The following AMIGO3 variants were observed in gnomAD, a reference collection of about 807,000 sequenced individuals.
AMIGO3 encodes adhesion molecule with Ig like domain 3.
AMIGO3 carries 6 observed loss-of-function variants against 4.3 expected under a neutral mutation model. The observed-to-expected ratio is 1.39, with a 90% CI of 0.76 to 2.75. AMIGO3 has a LOEUF of 2.75. Ranked by LOEUF, AMIGO3 falls within the 30% of genes most tolerant of loss-of-function variation. AMIGO3 has a pLI of 0.00. For missense variants in AMIGO3, 771 were observed against 692.1 expected (o/e 1.11, Z -1.28); for synonymous variants, 315 against 320.0 (o/e 0.98, Z 0.17).
chr3:49,719,401 T>TCCGGGGTGCCTAAC lies in AMIGO3; in HGVS notation c.51_64dup (p.Asp22GlyfsTer2). On this transcript the variant is annotated stop_gained and frameshift_variant, in exon 1 of 1. Transcript: ENST00000320431. LOFTEE classifies it low-confidence loss of function (END_TRUNC). ...CGCACGGGGCGGGAAACCCTCGGAGTCCGGGGTGCCTAACCCAACGCGCAG... is the reference window on the plus strand; with the variant it reads ...CGCACGGGGCGGGAAACCCTCGGAGTCCGGGGTGCCTAACCCGGGGTGCCTAACCCAACGCGCAG... 6.2e-7 allele frequency: 1 copy of TCCGGGGTGCCTAAC among 1,613,364 alleles called. No individual in the cohort carries two copies. Among genetic ancestry groups the TCCGGGGTGCCTAAC allele is most frequent in the African/African-American group, 1.3e-5 (1 of 74,960 alleles).
Position 49,719,183 on chromosome 3 carries a change from T to A in AMIGO3, c.283A>T (p.Asn95Tyr). ...CCGCGACCCAGCGCATCTAGTTCGTTGTGGTCTAGGTGCAGGGCGCGCAGC... is the reference window on the plus strand; with the variant it reads ...CCGCGACCCAGCGCATCTAGTTCGTAGTGGTCTAGGTGCAGGGCGCGCAGC... ...FQLRALHLDH[N>Y]ELDALGRGVF... The change falls in exon 1 of 1, where the codon AAC becomes TAC. Residue 95 changes from asparagine to tyrosine, a missense_variant. Asn to Tyr is a moderately radical substitution (Grantham distance 143). Transcript: ENST00000320431. 4 of 1,613,426 alleles carry A rather than the reference T, an allele frequency of 2.5e-6. No individual in the cohort carries two copies. Among genetic ancestry groups the A allele is most frequent in the Non-Finnish European group, 3.4e-6 (4 of 1,179,950 alleles).
Position 49,718,076 on chromosome 3 carries a change from G to C in AMIGO3, c.1390C>G (p.Leu464Val). 24 of 1,613,610 alleles carry C rather than the reference G, an allele frequency of 1.5e-5. No individual in the cohort carries two copies. The highest frequency in any genetic ancestry group is 2.0e-5 in the Non-Finnish European group (24 of 1,180,044). Residue 464 changes from leucine (L) to valine (V), a missense_variant, in exon 1 of 1, where the codon CTC becomes GTC. Coordinates refer to ENST00000320431, the MANE Select transcript of AMIGO3 (RefSeq NM_198722.3). ...VVFLEPGRRG[L>V]NGRVQLAVAE... ...ACTGCCAGCTGCACGCGGCCATTGA[G>C]GCCCCTCCGGCCTGGCTCCAGAAAG...
Position 49,719,143 on chromosome 3 carries a change from G to A in AMIGO3, c.323C>T (p.Ala108Val). Residue 108 changes from alanine (A) to valine (V), a missense_variant, in exon 1 of 1, where the codon GCC (alanine) becomes GTC (valine). By Grantham distance (64) the Ala-to-Val change is moderately conservative. Coordinates refer to ENST00000320431, the MANE Select transcript of AMIGO3 (RefSeq NM_198722.3). ...TAGATCGAGCAGCCTCAGGCCGCTG[G>A]CGTTGACGAAGACGCCGCGACCCAG... ...DALGRGVFVN[A>V]SGLRLLDLSS... 2 of 1,613,632 alleles carry A rather than the reference G, an allele frequency of 1.2e-6. No homozygotes were observed. The highest frequency in any genetic ancestry group is 1.7e-6 in the Non-Finnish European group (2 of 1,180,008).
rs747670903 is a variant in AMIGO3 at position 49,718,331 on chromosome 3, C to T, written c.1135G>A (p.Glu379Lys). The change falls in exon 1 of 1, where the codon GAG (glutamate) becomes AAG (lysine). Residue 379 changes from glutamate (E) to lysine (K), a missense_variant. Coordinates refer to ENST00000320431, the MANE Select transcript of AMIGO3 (RefSeq NM_198722.3). ...VSVHFPRPEP[E>K]AFNTGFTTLL... ...GTGGTGAAGCCTGTGTTGAAAGCCT[C>T]GGGCTCTGGGCGCGGAAAGTGCACG... 54 of 1,613,270 alleles carry T rather than the reference C, an allele frequency of 3.3e-5. No individual in the cohort carries two copies. Among genetic ancestry groups the T allele is most frequent in the Admixed American group, 3.3e-4 (20 of 60,002 alleles).
chr3:49,717,516 A>C lies in AMIGO3; in HGVS notation c.*435T>G. The C allele has an allele frequency of 5.1e-6, 1 of 197,530 alleles. No individual in the cohort carries two copies. The highest frequency in any genetic ancestry group is 1.1e-5 in the Non-Finnish European group (1 of 94,934). 12.2% of individuals were successfully genotyped at this position (197,530 alleles called of 1,614,324 possible). A position where few individuals can be genotyped will look rare whatever the true frequency, so the allele number is the denominator to read the frequency against. On this transcript the variant is annotated 3_prime_UTR_variant, in exon 1 of 1. Coordinates refer to ENST00000320431, the MANE Select transcript of AMIGO3 (RefSeq NM_198722.3). ...GGAGGTGGCCCTGCGTCAGCTCTTG[A>C]GCACCACTCCTCGAGAGCTGTCTCA... is the stretch of plus-strand genomic sequence containing the variant.
At position 49,717,478 on chromosome 3, in the gene AMIGO3, C is replaced by T; in HGVS notation, c.*473G>A. ...TCCCTGTGGGCCCACTCCCTCCCAC[C>T]CCCTTGGGAAGGGGAGGTGGCCCTG... On this transcript the variant is annotated 3_prime_UTR_variant, in exon 1 of 1. Coordinates refer to ENST00000320431, the MANE Select transcript of AMIGO3 (RefSeq NM_198722.3). The T allele has an allele frequency of 5.7e-6, 1 of 175,606 alleles. No homozygotes were observed. Among genetic ancestry groups the T allele is most frequent in the East Asian group, 1.7e-4 (1 of 5,898 alleles). 10.9% of individuals were successfully genotyped at this position (175,606 alleles called of 1,614,324 possible).
In AMIGO3 at chr3:49,718,441, A is replaced by T. The variant is rs376736320; in HGVS notation, c.1025T>A (p.Val342Glu). ...GAAGAGTCCCGCATGCTGCTCCTGT[A>T]CGTTGCCTATGGCCAAGCTGCCGTC... ...LADGSLAIGN[V>E]QEQHAGLFVC... The change falls in exon 1 of 1, where the codon GTA becomes GAA. Residue 342 changes from valine to glutamate, a missense_variant. Coordinates refer to ENST00000320431, the MANE Select transcript of AMIGO3 (RefSeq NM_198722.3). 1 of 1,612,814 alleles carries T rather than the reference A, an allele frequency of 6.2e-7. No individual in the cohort carries two copies. Among genetic ancestry groups the T allele is most frequent in the Non-Finnish European group, 8.5e-7 (1 of 1,179,910 alleles).
chr3:49,719,357 T>G lies in AMIGO3; in HGVS notation c.109A>C (p.Lys37Gln). ...AGCAGGTCGGCAGCGCAGATACATT[T>G]GTAGGGGCAGTTGTGGAGCGCACGG... ...PPRALHNCPYKCICAADLLSC... is the reference protein window; with the variant it reads ...PPRALHNCPYQCICAADLLSC... The change falls in exon 1 of 1, where the codon AAA becomes CAA. Residue 37 changes from lysine to glutamine, a missense_variant. Physicochemically the swap from Lys to Gln is moderately conservative, Grantham distance 53. Coordinates refer to ENST00000320431, the MANE Select transcript of AMIGO3 (RefSeq NM_198722.3). The G allele has an allele frequency of 6.2e-7, 1 of 1,613,496 alleles. No homozygotes were observed. Among genetic ancestry groups the G allele is most frequent in the Non-Finnish European group, 8.5e-7 (1 of 1,180,020 alleles).
At position 49,717,788 on chromosome 3, in the gene AMIGO3, C is replaced by CT. The variant is rs2080276861; in HGVS notation, c.*162dup. ...AGGTTGGGGACCACAACCCCTGTCT[C>CT]TACCAGTGAGCGAGAAGGCCCATTG... is the stretch of plus-strand genomic sequence containing the variant. On this transcript the variant is annotated 3_prime_UTR_variant, in exon 1 of 1. Coordinates refer to ENST00000320431, the MANE Select transcript of AMIGO3 (RefSeq NM_198722.3). 1 of 771,620 alleles carries CT rather than the reference C, an allele frequency of 1.3e-6. No homozygotes were observed. The highest frequency in any genetic ancestry group is 2.0e-6 in the Non-Finnish European group (1 of 491,572). 47.8% of individuals were successfully genotyped at this position (771,620 alleles called of 1,614,324 possible).
Position 49,717,601 on chromosome 3 carries a change from C to G in AMIGO3, c.*350G>C, listed in dbSNP as rs1559689463. On this transcript the variant is annotated 3_prime_UTR_variant, in exon 1 of 1. Coordinates refer to ENST00000320431, the MANE Select transcript of AMIGO3 (RefSeq NM_198722.3). ...GGTTCTTCCACAGGCTGTAGAAGAA[C>G]ACAGCCACTTCCACAGCTGTGCTGT... 1.4e-5 allele frequency: 5 copies of G among 353,990 alleles called. No homozygotes were observed. In the South Asian group the frequency reaches 1.6e-4, roughly 11 times the overall value. 21.9% of individuals were successfully genotyped at this position (353,990 alleles called of 1,614,324 possible). A position where few individuals can be genotyped will look rare whatever the true frequency, so the allele number is the denominator to read the frequency against.
In AMIGO3 at chr3:49,719,364, G is replaced by A; in HGVS notation, c.102C>T (p.Cys34=). 6.2e-7 allele frequency: 1 copy of A among 1,613,588 alleles called. No individual in the cohort carries two copies. Among genetic ancestry groups the A allele is most frequent in the East Asian group, 2.2e-5 (1 of 44,886 alleles). Residue 34 remains cysteine, a synonymous_variant, in exon 1 of 1, where the codon TGC becomes TGT. Coordinates refer to ENST00000320431, the MANE Select transcript of AMIGO3 (RefSeq NM_198722.3). ...CGGCAGCGCAGATACATTTGTAGGGGCAGTTGTGGAGCGCACGGGGCGGGA... is the reference window on the plus strand; with the variant it reads ...CGGCAGCGCAGATACATTTGTAGGGACAGTTGTGGAGCGCACGGGGCGGGA... ...EGFPPRALHN[C]PYKCICAADL... is the part of the protein sequence containing the mutation.
In AMIGO3 at chr3:49,718,519, T is replaced by G; in HGVS notation, c.947A>C (p.Gln316Pro). 1 of 1,613,190 alleles carries G rather than the reference T, an allele frequency of 6.2e-7. No homozygotes were observed. The highest frequency in any genetic ancestry group is 8.5e-7 in the Non-Finnish European group (1 of 1,179,948). Reference protein sequence around the residue: ...AMRIAWVSPQQELLRAPGSRD... With the variant: ...AMRIAWVSPQPELLRAPGSRD... ...GGATCCTGGCGCCCTGAGAAGCTCCTGCTGCGGCGAAACCCAGGCAATGCG... is the reference window on the plus strand; with the variant it reads ...GGATCCTGGCGCCCTGAGAAGCTCCGGCTGCGGCGAAACCCAGGCAATGCG... Residue 316 changes from glutamine (Q) to proline (P), a missense_variant, in exon 1 of 1, where the codon CAG becomes CCG. By Grantham distance (76) the Gln-to-Pro change is moderately conservative (BLOSUM62 -1). Coordinates refer to ENST00000320431, the MANE Select transcript of AMIGO3 (RefSeq NM_198722.3).
At position 49,717,234 on chromosome 3, in the gene AMIGO3, A is replaced by T. The variant is rs2080266467; in HGVS notation, c.*717T>A. On this transcript the variant is annotated 3_prime_UTR_variant, in exon 1 of 1. Coordinates refer to ENST00000320431, the MANE Select transcript of AMIGO3 (RefSeq NM_198722.3). ...CGGGTGGATGCCCCAGGCCAGAGAG[A>T]GCAGGGCCTCTGGCTGGGGCTTAGG... 1 of 153,990 alleles carries T rather than the reference A, an allele frequency of 6.5e-6. No individual in the cohort carries two copies. The highest frequency in any genetic ancestry group is 2.4e-5 in the African/African-American group (1 of 41,428). 9.5% of individuals were successfully genotyped at this position (153,990 alleles called of 1,614,324 possible). A position where few individuals can be genotyped will look rare whatever the true frequency, so the allele number is the denominator to read the frequency against.
In AMIGO3 at chr3:49,719,304, G is replaced by T. The variant is rs1353553347; in HGVS notation, c.162C>A (p.Asp54Glu). 1 of 1,613,168 alleles carries T rather than the reference G, an allele frequency of 6.2e-7. No individual in the cohort carries two copies. Among genetic ancestry groups the T allele is most frequent in the Non-Finnish European group, 8.5e-7 (1 of 1,180,006 alleles). ...TAGCGGCAGGTAACTCGGCTGGCAC[G>T]TCCTGCAGCCCTAGGCCAGTGCAGC... The part of the protein sequence containing the change: ...LLSCTGLGLQ[D>E]VPAELPAATA... Residue 54 changes from aspartate to glutamate, a missense_variant, in exon 1 of 1, where the codon GAC becomes GAA. Physicochemically the swap from Asp to Glu is conservative, Grantham distance 45. Transcript: ENST00000320431.
In AMIGO3 at chr3:49,719,103, C is replaced by T. The variant is rs149587534; in HGVS notation, c.363G>A (p.Leu121=). 13 of 1,613,448 alleles carry T rather than the reference C, an allele frequency of 8.1e-6. No homozygotes were observed. In the African/African-American group the frequency reaches 1.5e-4, roughly 18 times the overall value. The change falls in exon 1 of 1, where the codon TTG becomes TTA. Residue 121 remains leucine, a synonymous_variant. Coordinates refer to ENST00000320431, the MANE Select transcript of AMIGO3 (RefSeq NM_198722.3). ...CGAGGTCGTGGCGGCCAAGCGCCCG[C>T]AACGTGTTAGATGATAGATCGAGCA... ...LRLLDLSSNT[L]RALGRHDLDG...
At position 49,718,931 on chromosome 3, in the gene AMIGO3, C is replaced by G. The variant is rs373111160; in HGVS notation, c.535G>C (p.Gly179Arg). Residue 179 changes from glycine (G) to arginine (R), a missense_variant, in exon 1 of 1, where the codon GGT becomes CGT. Gly to Arg is a moderately radical substitution (Grantham distance 125, BLOSUM62 -2). Coordinates refer to ENST00000320431, the MANE Select transcript of AMIGO3 (RefSeq NM_198722.3). The part of the protein sequence containing the change: ...LASFSFDHLH[G>R]LSATHLLTLD... ...GTAAGCAGGTGGGTGGCGCTCAGAC[C>G]GTGCAGGTGGTCGAAGGAGAACGAG... is the stretch of plus-strand genomic sequence containing the variant. 8.7e-6 allele frequency: 14 copies of G among 1,613,574 alleles called. No homozygotes were observed. Among genetic ancestry groups the G allele is most frequent in the Middle Eastern group, 1.6e-4 (1 of 6,084 alleles).
Position 49,718,857 on chromosome 3 carries a change from C to T in AMIGO3, c.609G>A (p.Leu203=). The change falls in exon 1 of 1, where the codon CTG becomes CTA. Residue 203 remains leucine (L), a synonymous_variant. Transcript: ENST00000320431. ...NRLGHISVPE[L]AALPAFLKNG... ...TCTTGAGGAAGGCCGGCAGCGCGGC[C>T]AGCTCAGGTACGGAGATGTGTCCCA... 2.5e-6 allele frequency: 4 copies of T among 1,613,430 alleles called. No individual in the cohort carries two copies. Among genetic ancestry groups the T allele is most frequent in the Non-Finnish European group, 3.4e-6 (4 of 1,180,044 alleles).
Position 49,719,394 on chromosome 3 carries a change from C to T in AMIGO3, c.72G>A (p.Glu24=), listed in dbSNP as rs1238140495. ...TGTGGAGCGCACGGGGCGGGAAACCCTCGGAGTCCGGGGTGCCTAACCCAA... is the reference window on the plus strand; with the variant it reads ...TGTGGAGCGCACGGGGCGGGAAACCTTCGGAGTCCGGGGTGCCTAACCCAA... ...LRVGLGTPDS[E]GFPPRALHNC... Residue 24 remains glutamate, a synonymous_variant, in exon 1 of 1, where the codon GAG becomes GAA. Coordinates refer to ENST00000320431, the MANE Select transcript of AMIGO3 (RefSeq NM_198722.3). The T allele has an allele frequency of 6.2e-7, 1 of 1,613,662 alleles. No homozygotes were observed. Among genetic ancestry groups the T allele is most frequent in the Non-Finnish European group, 8.5e-7 (1 of 1,180,038 alleles).
Position 49,719,610 on chromosome 3 carries a change from C to T in AMIGO3, c.-145G>A. 4.4e-6 allele frequency: 3 copies of T among 684,702 alleles called. No homozygotes were observed. The highest frequency in any genetic ancestry group is 1.9e-5 in the South Asian group (1 of 51,662). The allele number at this position is 684,702 out of a possible 1,614,324, so 42.4% of individuals were successfully genotyped here. ...GCGGGTTCTTGCCAGCCGACGGCCC[C>T]TACTCTCCGGTTCCCAGGTTGTGAG... On this transcript the variant is annotated 5_prime_UTR_variant, in exon 1 of 1. Coordinates refer to ENST00000320431, the MANE Select transcript of AMIGO3 (RefSeq NM_198722.3).
Sources: allele counts gnomAD v4.1 joint callset, GRCh38; gene constraint gnomAD v4.1.1; transcripts MANE v1.5; gene names NCBI Gene and HGNC (gene_info 2026-07-23, HGNC 2026-07-21).